DNAJC3: variants seen among roughly 807,000 people sequenced by gnomAD.
The protein encoded by DNAJC3 is DnaJ heat shock protein family (Hsp40) member C3.
Under a neutral mutation model 68.6 loss-of-function variants are expected in DNAJC3, and 38 were observed. That is an observed-to-expected ratio of 0.55 (90% CI 0.43 to 0.73). The LOEUF is 0.73. DNAJC3 is among the 30% of genes least tolerant of loss of function. The pLI, the probability that DNAJC3 is intolerant of heterozygous loss-of-function variation, is 0.00. For synonymous variants in DNAJC3, 203 were observed against 204.0 expected (o/e 1.00, Z 0.04); for missense variants, 526 against 591.9 (o/e 0.89, Z 1.16).
chr13:95,767,981 A>C (rs1883049880), intron 9 of DNAJC3, among the ~76,000 whole-genome samples: 1 of 152,012 alleles, frequency 6.6e-6, no homozygotes, highest in Admixed American at 6.6e-5. Context: ...ATGGGATTAC[A>C]GGCGTGAGCT....
At chr13:95,700,171 G>A (rs1333016555) in intron 1 of DNAJC3, among the ~76,000 whole-genome samples, 2 of 151,980 alleles carry the variant, frequency 1.3e-5, no homozygotes, top group East Asian at 1.9e-4. Flanking sequence ...GGCCAGTCTC[G>A]AACTCCTGGG....
intron 1 of DNAJC3, among the ~76,000 whole-genome samples, chr13:95,685,815 GT>G (rs1274898600): frequency 4.0e-5 from 6 of 151,212 alleles, no homozygotes; most frequent in African/African-American, 1.5e-4. Context: ...AAGCTTTTTA[GT>G]AATAGCCACT....
chr13:95,697,464 C>G (rs1444157387), intron 1 of DNAJC3, among the ~76,000 whole-genome samples: 2 of 152,190 alleles, frequency 1.3e-5, no homozygotes, highest in Non-Finnish European at 2.9e-5. Flanking sequence ...TTAAGATTCG[C>G]TGATAGTCTG....
chr13:95,756,486 C>T (rs17886100), intron 4 of DNAJC3, among the ~76,000 whole-genome samples: 2,283 of 152,218 alleles, frequency 0.015, 60 homozygotes, highest in African/African-American at 0.052. Context: ...TATCCTAAAA[C>T]ACAAAATGGA....
At chr13:95,725,501 TCAGTTTATA>T (rs759298256) in intron 4 of DNAJC3, among the ~76,000 whole-genome samples, 11 of 152,170 alleles carry the variant, frequency 7.2e-5, no homozygotes, top group South Asian at 2.1e-4. Context: ...TAATCTTAAC[TCAGTTTATA>T]CAGCTTGCTT....
At position 95,677,354 on chromosome 13, in the gene DNAJC3, C is replaced by T. The variant is rs754435478; in HGVS notation, c.82+17C>T. On this transcript the variant is annotated intron_variant, in intron 1 of 11. Coordinates refer to ENST00000602402, the MANE Select transcript of DNAJC3 (RefSeq NM_006260.5). ...AGTACGAAGGTGAGTCCTGCCCTGC[C>T]CCGGCCAGGAAGTGGGCTCCCGGAC... 2 of 1,575,418 alleles carry T rather than the reference C, an allele frequency of 1.3e-6. No homozygotes were observed. The highest frequency in any genetic ancestry group is 1.1e-5 in the South Asian group (1 of 87,492).
rs538023035 is a variant in DNAJC3, at chr13:95,793,777, T to C, written c.*2747T>C. The C allele has an allele frequency of 2.0e-5, 3 of 152,388 alleles. No individual in the cohort carries two copies. Among genetic ancestry groups the C allele is most frequent in the Admixed American group, 6.5e-5 (1 of 15,294 alleles). 9.4% of individuals were successfully genotyped at this position (152,388 alleles called of 1,614,324 possible). ...GCGCCTGGCCATCAGGTAACCTTTA[T>C]GGCTCTTTCAGGAAAAGTGAAATCA... On this transcript the variant is annotated 3_prime_UTR_variant, in exon 12 of 12. Coordinates refer to ENST00000602402, the MANE Select transcript of DNAJC3 (RefSeq NM_006260.5).
At chr13:95,691,608 C>G (rs913888335) in intron 1 of DNAJC3, among the ~76,000 whole-genome samples, 2 of 149,408 alleles carry the variant, frequency 1.3e-5, no homozygotes, top group Non-Finnish European at 3.0e-5. Flanking sequence ...ACATCCCAGA[C>G]GATGGGCGGC....
chr13:95,738,349 C>G lies in DNAJC3; in HGVS notation c.393+13097C>G, dbSNP rs1385221140. Among the ~76,000 whole-genome samples the G allele has an allele frequency of 2.7e-3, 399 of 149,582 alleles. 4 individuals carry two copies. Among genetic ancestry groups the G allele is most frequent in the African/African-American group, 9.4e-3 (379 of 40,386 alleles). ...AGATGTCTATTAGGTCCGCTTGGTG[C>G]AGAGCTGAGTTCAATTCCTGGGTAT... On this transcript the variant is annotated intron_variant, in intron 4 of 11. Coordinates refer to ENST00000602402, the MANE Select transcript of DNAJC3 (RefSeq NM_006260.5).
chr13:95,783,740 G>T (rs1436774376), intron 9 of DNAJC3, among the ~76,000 whole-genome samples: 2 of 152,180 alleles, frequency 1.3e-5, no homozygotes, highest in Non-Finnish European at 2.9e-5. Flanking sequence ...TGTTAGTCTT[G>T]TTGTAGGACT....
intron 1 of DNAJC3, among the ~76,000 whole-genome samples, chr13:95,697,066 T>G (rs745736754): frequency 9.2e-5 from 14 of 152,226 alleles, no homozygotes; most frequent in Non-Finnish European, 1.9e-4. Context: ...TGTTATAGTG[T>G]TGTTAGCTAG....
At chr13:95,786,171 T>C (rs998470178) in intron 10 of DNAJC3, 100 bp downstream of exon 10, 28 of 1,282,332 alleles carry the variant, frequency 2.2e-5, no homozygotes, top group East Asian at 1.8e-4. Flanking sequence ...TCTTTACTTA[T>C]GTAATTTCAG....
At chr13:95,715,745 CA>C (rs1881121691) in intron 2 of DNAJC3, among the ~76,000 whole-genome samples, 1 of 151,880 alleles carries the variant, frequency 6.6e-6, no homozygotes, top group Non-Finnish European at 1.5e-5. Context: ...CCTTGGCCTC[CA>C]AAAATGTTGG....
rs1461255124 is a variant in DNAJC3, at chr13:95,775,903, A to G, written c.1076-10036A>G. Reference sequence around the variant, plus strand: ...ACTGTCTCTCTGCCAGAAGAAACCTATGCCTCTGTCTTACTAAGAACATCT... The same window carrying G: ...ACTGTCTCTCTGCCAGAAGAAACCTGTGCCTCTGTCTTACTAAGAACATCT... On this transcript the variant is annotated intron_variant, in intron 9 of 11. Transcript: ENST00000602402. Among the ~76,000 whole-genome samples the G allele has an allele frequency of 2.0e-5, 3 of 152,140 alleles. 1 individual carries two copies. The highest frequency in any genetic ancestry group is 6.3e-3 in the Middle Eastern group (2 of 316).
At chr13:95,681,009 C>G (rs1339332766) in intron 1 of DNAJC3, among the ~76,000 whole-genome samples, 1 of 152,240 alleles carries the variant, frequency 6.6e-6, no homozygotes, top group Non-Finnish European at 1.5e-5. Context: ...AAGGCTTTTA[C>G]TAACTATATT....
intron 1 of DNAJC3, among the ~76,000 whole-genome samples, chr13:95,678,149 T>C (rs1879813061): frequency 6.6e-6 from 1 of 152,216 alleles, no homozygotes; most frequent in Non-Finnish European, 1.5e-5. Context: ...GAGTAAGAAT[T>C]AAAGTTGATA....
intron 1 of DNAJC3, among the ~76,000 whole-genome samples, chr13:95,681,300 C>G (rs186795921): frequency 6.6e-6 from 1 of 152,160 alleles, no homozygotes; most frequent in African/African-American, 2.4e-5. Context: ...TAAACACGGA[C>G]GGAGGAAAAT....
chr13:95,787,219 TGTG>T (rs1055351954), intron 11 of DNAJC3, 64 bp downstream of exon 11: 109 of 1,562,432 alleles, frequency 7.0e-5, no homozygotes, highest in South Asian at 2.4e-4. Flanking sequence ...GGGTGGAACA[TGTG>T]GTGGGTTCTC....
intron 1 of DNAJC3, among the ~76,000 whole-genome samples, chr13:95,696,927 A>G (rs1347232963): frequency 3.3e-5 from 5 of 152,086 alleles, no homozygotes; most frequent in Non-Finnish European, 7.4e-5. Flanking sequence ...TTGAATTTTT[A>G]GTAGAGATGG....
Sources: allele counts gnomAD v4.1 joint callset (sites outside exome capture counted in the v4.1 genomes callset), GRCh38; gene constraint gnomAD v4.1.1; transcripts MANE v1.5; gene names NCBI Gene and HGNC (gene_info 2026-07-23, HGNC 2026-07-21).